Variants in ANKRD55 observed in about 807,000 individuals in gnomAD.
ANKRD55 encodes the protein ankyrin repeat domain-containing protein 55.
A neutral mutation model predicts 60.6 loss-of-function variants in ANKRD55; 41 were observed. That is an observed-to-expected ratio of 0.68 (90% CI 0.53 to 0.88). ANKRD55 has a LOEUF of 0.88. Ranked by LOEUF, ANKRD55 falls within the 40% of genes least tolerant of loss-of-function variation. The pLI is 0.00. For missense variants in ANKRD55, 732 were observed against 767.6 expected (o/e 0.95, Z 0.55); for synonymous variants, 264 against 290.3 (o/e 0.91, Z 0.92).
At chr5:56,142,387 G>A (rs1757795983) in intron 7 of ANKRD55, among the ~76,000 whole-genome samples, 1 of 152,104 alleles carries the variant, frequency 6.6e-6, no homozygotes. Context: ...ATTCCACCCT[G>A]TGAGGGCCCA....
chr5:56,120,976 C>A (rs188754013), intron 8 of ANKRD55, among the ~76,000 whole-genome samples: 238 of 151,068 alleles, frequency 1.6e-3, no homozygotes, highest in Non-Finnish European at 2.6e-3. Context: ...GGGTCAAGAA[C>A]CTTGCTTCAC....
chr5:56,220,834 C>CA (rs767941512), intron 2 of ANKRD55, among the ~76,000 whole-genome samples: 1 of 151,864 alleles, frequency 6.6e-6, no homozygotes, highest in East Asian at 1.9e-4. Context: ...CAAAACAAAA[C>CA]AAAAAAACAC....
intron 5 of ANKRD55, among the ~76,000 whole-genome samples, chr5:56,164,382 G>C (rs1336628196): frequency 6.6e-6 from 1 of 152,136 alleles, no homozygotes; most frequent in African/African-American, 2.4e-5. Context: ...CTGTATTAGA[G>C]TGTGCTGCAG....
intron 10 of ANKRD55, among the ~76,000 whole-genome samples, chr5:56,109,052 C>CACAT (rs202100976): frequency 6.6e-5 from 10 of 151,094 alleles, no homozygotes; most frequent in African/African-American, 2.4e-4. Flanking sequence ...CACACACACA[C>CACAT]ACACACACAC....
intron 7 of ANKRD55, chr5:56,137,226 C>T: frequency 1.2e-6 from 2 of 1,608,438 alleles, no homozygotes; most frequent in Non-Finnish European, 1.7e-6. Context: ...AGGTCGGTGG[C>T]CCAAAAAGAG....
At chr5:56,203,176 T>C (rs893406020) in intron 2 of ANKRD55, among the ~76,000 whole-genome samples, 2 of 152,168 alleles carry the variant, frequency 1.3e-5, no homozygotes, top group Non-Finnish European at 2.9e-5. Context: ...ATGGTCTGGC[T>C]CTGTGTTCCC....
intron 11 of ANKRD55, 88 bp downstream of exon 11, chr5:56,102,406 A>C: frequency 9.5e-7 from 1 of 1,052,510 alleles, no homozygotes. Flanking sequence ...AAAAAAAAGA[A>C]AAATGAAAGT....
chr5:56,164,884 C>A (rs1417919484), intron 5 of ANKRD55, among the ~76,000 whole-genome samples: 2 of 152,192 alleles, frequency 1.3e-5, no homozygotes, highest in Non-Finnish European at 2.9e-5. Context: ...GATTATAAAT[C>A]ACTTATCCCT....
intron 3 of ANKRD55, among the ~76,000 whole-genome samples, chr5:56,180,040 G>A (rs1758820465): frequency 6.6e-6 from 1 of 152,168 alleles, no homozygotes; most frequent in South Asian, 2.1e-4. Flanking sequence ...GATGTCCGAG[G>A]TTGAGGGGCC....
At chr5:56,188,070 C>T (rs370114063) in intron 2 of ANKRD55, among the ~76,000 whole-genome samples, 1 of 152,158 alleles carries the variant, frequency 6.6e-6, no homozygotes, top group Non-Finnish European at 1.5e-5. Context: ...AGCCCACAGG[C>T]TGATTCAGTG....
intron 3 of ANKRD55, among the ~76,000 whole-genome samples, chr5:56,180,150 C>G (rs531227585): frequency 6.6e-6 from 1 of 152,192 alleles, no homozygotes; most frequent in East Asian, 1.9e-4. Flanking sequence ...GATGACCAAA[C>G]TAGCTTTTAT....
At chr5:56,102,383 T>G (rs1756308568) in intron 11 of ANKRD55, 111 bp downstream of exon 11, 1 of 730,860 alleles carries the variant, frequency 1.4e-6, no homozygotes, top group Admixed American at 3.1e-5. Context: ...AGCGCAAGAC[T>G]CCATCTCAAA....
chr5:56,196,127 G>A (rs1759222432), intron 2 of ANKRD55, among the ~76,000 whole-genome samples: 1 of 152,068 alleles, frequency 6.6e-6, no homozygotes, highest in African/African-American at 2.4e-5. Flanking sequence ...TACTGTTTTT[G>A]TAACCTTGAG....
intron 3 of ANKRD55, among the ~76,000 whole-genome samples, chr5:56,179,508 A>G (rs938357981): frequency 6.6e-6 from 1 of 152,184 alleles, no homozygotes; most frequent in African/African-American, 2.4e-5. Flanking sequence ...TCCAAGGAAA[A>G]GATTGCAAAT....
At chr5:56,202,711 A>G (rs946574748) in intron 2 of ANKRD55, among the ~76,000 whole-genome samples, 7 of 152,224 alleles carry the variant, frequency 4.6e-5, no homozygotes, top group African/African-American at 1.2e-4. Context: ...TTATCTCAAG[A>G]GTAAATATCT....
intron 2 of ANKRD55, among the ~76,000 whole-genome samples, chr5:56,225,343 A>G (rs1006623978): frequency 6.6e-6 from 1 of 152,232 alleles, no homozygotes; most frequent in Non-Finnish European, 1.5e-5. Context: ...TCAAAAAAAT[A>G]AGAGCTATTT....
chr5:56,160,363 C>T (rs200193685), intron 5 of ANKRD55, among the ~76,000 whole-genome samples: 1 of 152,176 alleles, frequency 6.6e-6, no homozygotes, highest in African/African-American at 2.4e-5. Context: ...CTCAGCCTCC[C>T]GAGTAGCTGG....
chr5:56,159,652 G>T lies in ANKRD55; in HGVS notation c.483+181C>A, dbSNP rs1394354148. Among the ~76,000 whole-genome samples the T allele has an allele frequency of 2.0e-5, 3 of 152,206 alleles. 1 individual carries two copies. Among genetic ancestry groups the T allele is most frequent in the Admixed American group, 2.0e-4 (3 of 15,280 alleles). ...CTATCAGAAGCTACACACACCCATGGTGGGGATAAGTTTCTGCTGAGGATT... is the reference window on the plus strand; with the variant it reads ...CTATCAGAAGCTACACACACCCATGTTGGGGATAAGTTTCTGCTGAGGATT... On this transcript the variant is annotated intron_variant, in intron 6 of 11. Coordinates refer to ENST00000341048, the MANE Select transcript of ANKRD55 (RefSeq NM_024669.3).
intron 5 of ANKRD55, among the ~76,000 whole-genome samples, chr5:56,165,936 A>G (rs1222119785): frequency 6.6e-6 from 1 of 152,132 alleles, no homozygotes; most frequent in African/African-American, 2.4e-5. Flanking sequence ...TCTCAAAAAA[A>G]AAAATAGTAC....
Sources: gnomAD v4.1 joint callset for allele counts (sites outside exome capture counted in the v4.1 genomes callset) on GRCh38, gnomAD v4.1.1 for gene constraint, MANE v1.5 for transcripts, NCBI Gene and HGNC (gene_info 2026-07-23, HGNC 2026-07-21) for gene names.